Variants in ZBTB46 observed in about 807,000 individuals in gnomAD.
ZBTB46 encodes zinc finger and BTB domain containing 46.
ZBTB46 carries 8 observed loss-of-function variants against 44.1 expected under a neutral mutation model. The ratio of observed to expected loss-of-function variants is 0.18; its 90% CI spans 0.11 to 0.33. The LOEUF (loss-of-function observed/expected upper bound fraction) is 0.33. Among genes scored for constraint, ZBTB46 ranks in the 10% least tolerant of loss-of-function variants. The probability of loss-of-function intolerance (pLI) is 1.00; values close to 1 mark genes in which losing one functional copy is unlikely to be tolerated. For missense variants in ZBTB46, 651 were observed against 847.7 expected (o/e 0.77, Z 2.88); for synonymous variants, 409 against 382.3 (o/e 1.07, Z -0.81).
intron 2 of ZBTB46, 60 bp from the exon 3 acceptor site, chr20:63,776,022 A>G: frequency 6.7e-7 from 1 of 1,487,038 alleles, no homozygotes; most frequent in South Asian, 1.4e-5. Context: ...TCCAAGTGGG[A>G]CAGGCGACAC....
intron 3 of ZBTB46, among the ~76,000 whole-genome samples, chr20:63,762,092 T>C (rs2092282429): frequency 6.6e-6 from 1 of 152,202 alleles, no homozygotes; most frequent in African/African-American, 2.4e-5. Context: ...AGTATCTCTA[T>C]GAACACAGAT....
chr20:63,792,795 G>A (rs1468710709), intron 1 of ZBTB46, among the ~76,000 whole-genome samples: 1 of 152,250 alleles, frequency 6.6e-6, no homozygotes, highest in Non-Finnish European at 1.5e-5. Flanking sequence ...TGGGATTACA[G>A]GCGTGAGCCA....
intron 2 of ZBTB46, among the ~76,000 whole-genome samples, chr20:63,782,096 A>AAAAAAAGAAAAGAAAAG (rs1386082316): frequency 1.6e-5 from 2 of 124,924 alleles, no homozygotes; most frequent in African/African-American, 5.8e-5. Context: ...CAAAAAAAAA[A>AAAAAAAGAAAAGAAAAG]AAAAGAAAAG....
chr20:63,782,705 A>G (rs2092480943), intron 2 of ZBTB46, among the ~76,000 whole-genome samples: 1 of 152,080 alleles, frequency 6.6e-6, no homozygotes, highest in Admixed American at 6.6e-5. Context: ...CCCCACACCC[A>G]CAGGTGAGGA....
chr20:63,791,004 G>T, intron 1 of ZBTB46: 1 of 567,788 alleles, frequency 1.8e-6, no homozygotes, highest in Non-Finnish European at 2.9e-6. Context: ...GTCCAGGGTG[G>T]GACGTCTGCC....
At position 63,780,671 on chromosome 20, in the gene ZBTB46, G is replaced by A. The variant is rs564860147; in HGVS notation, c.938-4709C>T. The stretch of plus-strand genomic sequence containing the variant: ...CAAAAAATGAGCCGGGCGTGGTGGC[G>A]GGCGCCTGTAGTCCCAGCTACTCGG... On this transcript the variant is annotated intron_variant, in intron 2 of 4. Coordinates refer to ENST00000245663, the MANE Select transcript of ZBTB46 (RefSeq NM_001369741.1). Among the ~76,000 whole-genome samples the A allele has an allele frequency of 4.0e-5, 6 of 151,656 alleles. 1 individual carries two copies. The South Asian group carries it at 1.0e-3, about 26-fold the overall frequency.
chr20:63,759,573 C>T (rs918160294), intron 3 of ZBTB46, among the ~76,000 whole-genome samples: 2 of 151,974 alleles, frequency 1.3e-5, no homozygotes, highest in East Asian at 1.9e-4. Flanking sequence ...GGGTAGGACT[C>T]AGGGAGGAGG....
chr20:63,763,797 G>A (rs1233462407), intron 3 of ZBTB46, among the ~76,000 whole-genome samples: 1 of 152,136 alleles, frequency 6.6e-6, no homozygotes, highest in Non-Finnish European at 1.5e-5. Context: ...TGACTATAAA[G>A]AGTCAGAACC....
At chr20:63,789,796 C>T in intron 2 of ZBTB46, 25 bp downstream of exon 2, 1 of 1,583,272 alleles carries the variant, frequency 6.3e-7, no homozygotes, top group Non-Finnish European at 8.6e-7. Context: ...GGCAGCTGAG[C>T]CCCCGTAACG....
intron 1 of ZBTB46, among the ~76,000 whole-genome samples, chr20:63,797,825 C>T (rs1000689943): frequency 2.6e-5 from 4 of 152,162 alleles, no homozygotes; most frequent in African/African-American, 9.7e-5. Context: ...CTGTTCATAT[C>T]CTTTGCCCAC....
intron 1 of ZBTB46, among the ~76,000 whole-genome samples, chr20:63,814,104 G>A (rs1035942241): frequency 2.6e-5 from 4 of 151,944 alleles, no homozygotes; most frequent in South Asian, 2.1e-4. Flanking sequence ...ATGGCAGTGG[G>A]CGCCTGTAGT....
At chr20:63,792,547 C>T (rs1359246637) in intron 1 of ZBTB46, among the ~76,000 whole-genome samples, 3 of 151,736 alleles carry the variant, frequency 2.0e-5, no homozygotes, top group Non-Finnish European at 4.4e-5. Flanking sequence ...GACGGAGTCT[C>T]GCTCTGTCCC....
chr20:63,762,672 ACAAAC>A (rs2092287323), intron 3 of ZBTB46, among the ~76,000 whole-genome samples: 6 of 105,950 alleles, frequency 5.7e-5, no homozygotes, highest in African/African-American at 2.3e-4. Context: ...AAACAAACAA[ACAAAC>A]AAAAAAAAAA....
At chr20:63,776,041 G>A in intron 2 of ZBTB46, 79 bp from the exon 3 acceptor site, 1 of 1,463,680 alleles carries the variant, frequency 6.8e-7, no homozygotes, top group South Asian at 1.4e-5. Context: ...ACATTTAGAA[G>A]GACAGCGACC....
At chr20:63,816,103 G>GGTGGGCA (rs2092755179) in intron 1 of ZBTB46, among the ~76,000 whole-genome samples, 2 of 141,158 alleles carry the variant, frequency 1.4e-5, no homozygotes, top group African/African-American at 5.2e-5. Flanking sequence ...TGCAGTGGGC[G>GGTGGGCA]CAGGTGCAGT....
chr20:63,753,132 A>G (rs1456575505), intron 3 of ZBTB46, among the ~76,000 whole-genome samples: 1 of 152,180 alleles, frequency 6.6e-6, no homozygotes, highest in Non-Finnish European at 1.5e-5. Flanking sequence ...CATCCAGGCC[A>G]AAGGCAGGAG....
rs533110447 is a variant in ZBTB46 at position 63,767,199 on chromosome 20, G to A, written c.1222+8479C>T. ...GACGCCGTGGCAGGCTTTGTCTTTC[G>A]ATCTCCCTAGAAAGTTGCTGGGTCG... is the stretch of plus-strand genomic sequence containing the variant. On this transcript the variant is annotated intron_variant, in intron 3 of 4. Transcript: ENST00000245663. The surrounding 1 kb of genome is among the most constrained non-coding windows in gnomAD (Gnocchi z 5.0). Among the ~76,000 whole-genome samples, 6 of 152,092 alleles carry A rather than the reference G, an allele frequency of 3.9e-5. No individual in the cohort carries two copies. The highest frequency in any genetic ancestry group is 2.6e-4 in the Admixed American group (4 of 15,276).
chr20:63,826,130 A>G (rs2092818303), intron 1 of ZBTB46, among the ~76,000 whole-genome samples: 1 of 152,266 alleles, frequency 6.6e-6, no homozygotes, highest in African/African-American at 2.4e-5. Flanking sequence ...CTTTCTGTGC[A>G]AGAGGCTTCA....
chr20:63,755,803 C>G (rs1351135703), intron 3 of ZBTB46, among the ~76,000 whole-genome samples: 2 of 152,142 alleles, frequency 1.3e-5, no homozygotes, highest in African/African-American at 4.8e-5. Flanking sequence ...CACTGGGAAG[C>G]CTTTAAAGTC....
Sources: gnomAD v4.1 joint callset for allele counts (sites outside exome capture counted in the v4.1 genomes callset) on GRCh38, gnomAD v4.1.1 for gene constraint, Gnocchi (gnomAD v3.1) non-coding constraint, MANE v1.5 for transcripts, NCBI Gene and HGNC (gene_info 2026-07-23, HGNC 2026-07-21) for gene names.